The following PAH variants were observed in gnomAD, a reference collection of about 807,000 sequenced individuals.
PAH encodes phenylalanine-4-hydroxylase.
In PAH, 64 loss-of-function variants were observed where a neutral mutation model predicts 62.0. The ratio of observed to expected loss-of-function variants is 1.03; its 90% CI spans 0.84 to 1.27. The LOEUF (loss-of-function observed/expected upper bound fraction) is 1.27. Among genes scored for constraint, PAH ranks in the 50% most tolerant of loss-of-function variants. The pLI, the probability that PAH is intolerant of heterozygous loss-of-function variation, is 0.00. For missense variants in PAH, 579 were observed against 542.8 expected (o/e 1.07, Z -0.66); for synonymous variants, 195 against 196.2 (o/e 0.99, Z 0.05).
chr12:102,942,283 G>A (rs564108355), intron 1 of PAH, among the ~76,000 whole-genome samples: 11 of 152,126 alleles, frequency 7.2e-5, no homozygotes, highest in African/African-American at 2.6e-4. Context: ...TAACATCCAA[G>A]CTGGGAGTCA....
chr12:102,908,030 A>G (rs1340478590), intron 2 of PAH, among the ~76,000 whole-genome samples: 1 of 152,140 alleles, frequency 6.6e-6, no homozygotes. Context: ...TGGAAAAAAA[A>G]AAATCAATAC....
In PAH at chr12:102,957,382, G is replaced by A. The variant is rs567427884; in HGVS notation, c.-96+813C>T. On this transcript the variant is annotated intron_variant, in intron 1 of 4. Transcript: ENST00000551337. This position sits in a 1 kb window ranked among gnomAD's most constrained non-coding sequence, Gnocchi z 4.1. ...CCCCCGGCAGCAGCCCGCCCCGAGCGCGCCGCCTGTTTATTCAGCCGGGAG... is the reference window on the plus strand; with the variant it reads ...CCCCCGGCAGCAGCCCGCCCCGAGCACGCCGCCTGTTTATTCAGCCGGGAG... 3.4e-3 allele frequency among the ~76,000 whole-genome samples: 523 copies of A among 152,162 alleles called. No homozygotes were observed. The highest frequency in any genetic ancestry group is 0.012 in the African/African-American group (499 of 41,516).
upstream of PAH, among the ~76,000 whole-genome samples, chr12:102,922,171 A>G (rs781014872): frequency 4.7e-5 from 7 of 149,684 alleles, no homozygotes; most frequent in Middle Eastern, 7.1e-3. Context: ...ATAGTAGCAT[A>G]CTATACATGA....
At chr12:102,869,096 A>G (rs1876193244) in intron 4 of PAH, among the ~76,000 whole-genome samples, 1 of 152,238 alleles carries the variant, frequency 6.6e-6, no homozygotes, top group South Asian at 2.1e-4. Flanking sequence ...TGAAGTAGGA[A>G]TCCAGGAAGA....
intron 1 of PAH, among the ~76,000 whole-genome samples, chr12:102,949,547 T>C (rs1879655088): frequency 6.6e-6 from 1 of 152,118 alleles, no homozygotes. Flanking sequence ...AGTTTCAGGA[T>C]TTTCTGGGAT....
chr12:102,871,058 G>A (rs1291812038), intron 4 of PAH, among the ~76,000 whole-genome samples: 2 of 151,994 alleles, frequency 1.3e-5, no homozygotes, highest in Non-Finnish European at 2.9e-5. Context: ...ACCTGCATTC[G>A]ACCACCACCA....
At chr12:102,922,195 CTT>C (rs550531972), upstream of PAH, among the ~76,000 whole-genome samples, 4 of 124,952 alleles carry the variant, frequency 3.2e-5, no homozygotes, top group Non-Finnish European at 3.3e-5. Context: ...TAAATCTTGC[CTT>C]TTTTTTTTTT....
At chr12:102,848,003 C>T (rs1367487636) in intron 8 of PAH, among the ~76,000 whole-genome samples, 1 of 152,172 alleles carries the variant, frequency 6.6e-6, no homozygotes, top group Non-Finnish European at 1.5e-5. Flanking sequence ...AGAGCCAGAT[C>T]ATGTAGAATA....
intron 1 of PAH, among the ~76,000 whole-genome samples, chr12:102,930,409 A>G (rs2136748242): frequency 6.6e-6 from 1 of 152,084 alleles, no homozygotes; most frequent in Middle Eastern, 3.4e-3. Flanking sequence ...TAGTTAATCC[A>G]CAGTTAGGTA....
At chr12:102,928,473 A>T (rs577104409) in intron 1 of PAH, among the ~76,000 whole-genome samples, 1 of 152,242 alleles carries the variant, frequency 6.6e-6, no homozygotes, top group South Asian at 2.1e-4. Context: ...AGTCCCCATT[A>T]TCTTTTCCCT....
At chr12:102,856,720 C>G (rs1875452796) in intron 5 of PAH, among the ~76,000 whole-genome samples, 1 of 152,228 alleles carries the variant, frequency 6.6e-6, no homozygotes, top group Admixed American at 6.5e-5. Context: ...CCCAGGCAAA[C>G]AGGGTCTGGA....
chr12:102,934,009 C>T (rs1879009459), intron 1 of PAH, among the ~76,000 whole-genome samples: 1 of 152,002 alleles, frequency 6.6e-6, no homozygotes, highest in Non-Finnish European at 1.5e-5. Flanking sequence ...CTCAAGAGAT[C>T]TTTGCCCAGT....
Position 102,838,833 on chromosome 12 carries a change from G to A in PAH, c.*342C>T, listed in dbSNP as rs543283408. On this transcript the variant is annotated 3_prime_UTR_variant, in exon 13 of 13. Coordinates refer to ENST00000553106, the MANE Select transcript of PAH (RefSeq NM_000277.3). ...TTTAGCCTTATATGCTCCTTTATGA[G>A]TTCTCTGCAAAGCATATATGAAGCT... 8 of 328,054 alleles carry A rather than the reference G, an allele frequency of 2.4e-5. No homozygotes were observed. Among genetic ancestry groups the A allele is most frequent in the Non-Finnish European group, 4.6e-5 (8 of 175,646 alleles). 20.3% of individuals were successfully genotyped at this position (328,054 alleles called of 1,614,324 possible). A position where few individuals can be genotyped will look rare whatever the true frequency, so the allele number is the denominator to read the frequency against.
At chr12:102,926,112 A>C in intron 1 of PAH, among the ~76,000 whole-genome samples, 1 of 152,140 alleles carries the variant, frequency 6.6e-6, no homozygotes, top group East Asian at 1.9e-4. Flanking sequence ...ACATCCTATT[A>C]GGAAACAGGA....
intron 1 of PAH, among the ~76,000 whole-genome samples, chr12:102,947,097 G>A (rs1879528738): frequency 6.6e-6 from 1 of 152,116 alleles, no homozygotes; most frequent in Non-Finnish European, 1.5e-5. Flanking sequence ...TAATAGGGAG[G>A]AAGAAAATGA....
chr12:102,941,296 C>A (rs1190606122), intron 1 of PAH, among the ~76,000 whole-genome samples: 1 of 152,100 alleles, frequency 6.6e-6, no homozygotes, highest in African/African-American at 2.4e-5. Flanking sequence ...AGGATCAAAT[C>A]TGAACATTTC....
chr12:102,905,565 T>C (rs1485250034), intron 2 of PAH, among the ~76,000 whole-genome samples: 1 of 152,220 alleles, frequency 6.6e-6, no homozygotes, highest in African/African-American at 2.4e-5. Context: ...TTTAGCATAA[T>C]AGACCTAGGT....
intron 3 of PAH, among the ~76,000 whole-genome samples, chr12:102,893,450 T>C (rs1275322297): frequency 6.6e-6 from 1 of 152,118 alleles, no homozygotes; most frequent in Non-Finnish European, 1.5e-5. Flanking sequence ...TATTAAAAAA[T>C]GGTTCATTTG....
chr12:102,933,123 C>T (rs1268584441), intron 1 of PAH, among the ~76,000 whole-genome samples: 1 of 152,168 alleles, frequency 6.6e-6, no homozygotes, highest in Non-Finnish European at 1.5e-5. Flanking sequence ...GCTTTCACCA[C>T]CACACTATCC....
Sources: allele counts gnomAD v4.1 joint callset (sites outside exome capture counted in the v4.1 genomes callset), GRCh38; gene constraint gnomAD v4.1.1; non-coding constraint Gnocchi (gnomAD v3.1); transcripts MANE v1.5; gene names NCBI Gene and HGNC (gene_info 2026-07-23, HGNC 2026-07-21).